SPRY3: variants seen among roughly 807,000 people sequenced by gnomAD.
SPRY3 encodes sprouty RTK signaling antagonist 3, also known as protein sprouty homolog 3.
Under a neutral mutation model 20.2 loss-of-function variants are expected in SPRY3, and 15 were observed. The ratio of observed to expected loss-of-function variants is 0.74; its 90% confidence interval spans 0.50 to 1.14. The LOEUF is 1.14. Ranked by LOEUF, SPRY3 falls within the 50% of genes most tolerant of loss-of-function variation. The pLI is 0.00. For synonymous variants in SPRY3, 143 were observed against 136.5 expected, an observed-to-expected ratio of 1.05 and a Z score of -0.33; for missense variants, 364 against 363.9, an observed-to-expected ratio of 1.00 and a Z score of 0.00.
In SPRY3 at chrX:155,749,575, G is replaced by T. The variant is rs181314102; in HGVS notation, c.-281-18387G>T. On this transcript the variant is annotated intron_variant, in intron 2 of 3. Coordinates refer to ENST00000675360, the Ensembl canonical transcript of SPRY3. ...AAAAATTTGAGGTGGAAGTATCTGGGGGTTTTGACTAATAGCAAGGACACC... is the reference window on the plus strand; with the variant it reads ...AAAAATTTGAGGTGGAAGTATCTGGTGGTTTTGACTAATAGCAAGGACACC... Among the ~76,000 whole-genome samples, 256 of 151,940 alleles carry T rather than the reference G, an allele frequency of 1.7e-3. 1 individual carries two copies. The highest frequency in any genetic ancestry group is 6.1e-3 in the African/African-American group (252 of 41,490).
At chrX:155,662,945 T>A (rs782352645) in intron 2 of SPRY3, among the ~76,000 whole-genome samples, 30 of 111,854 alleles carry the variant, frequency 2.7e-4, no homozygotes, top group Non-Finnish European at 5.1e-4. Flanking sequence ...ACTACTGCAC[T>A]TCTTTTGCCA....
intron 2 of SPRY3, among the ~76,000 whole-genome samples, chrX:155,712,027 T>A: frequency 6.6e-6 from 1 of 151,990 alleles, no homozygotes; most frequent in Middle Eastern, 3.4e-3. Context: ...TTTCTCTTGT[T>A]ATTTATTTAT....
intron 2 of SPRY3, among the ~76,000 whole-genome samples, chrX:155,740,156 T>C (rs2091196349): frequency 6.6e-6 from 1 of 152,228 alleles, no homozygotes; most frequent in South Asian, 2.1e-4. Flanking sequence ...CCTGTCTTGC[T>C]TTAATCTCTT....
At chrX:155,767,123 G>C (rs1363891897) in intron 2 of SPRY3, among the ~76,000 whole-genome samples, 2 of 152,040 alleles carry the variant, frequency 1.3e-5, no homozygotes, top group Non-Finnish European at 2.9e-5. Context: ...CGGATACAGA[G>C]ATTCCTATGG....
At chrX:155,773,041 G>T (rs1350138692) in intron 3 of SPRY3, among the ~76,000 whole-genome samples, 2 of 151,808 alleles carry the variant, frequency 1.3e-5, no homozygotes, top group Non-Finnish European at 2.9e-5. Flanking sequence ...CATTTAAAAA[G>T]AATCACTTCC....
At chrX:155,749,746 G>A (rs944254404) in intron 2 of SPRY3, among the ~76,000 whole-genome samples, 1 of 151,798 alleles carries the variant, frequency 6.6e-6, no homozygotes, top group Non-Finnish European at 1.5e-5. Flanking sequence ...AATAACTAAG[G>A]TACTGTTTAT....
chrX:155,672,085 C>T (rs2068042514), intron 2 of SPRY3, among the ~76,000 whole-genome samples: 1 of 111,586 alleles, frequency 9.0e-6, no homozygotes, highest in South Asian at 3.7e-4. Flanking sequence ...TAGCATGATG[C>T]CTCCAGCTTT....
intron 2 of SPRY3, among the ~76,000 whole-genome samples, chrX:155,760,859 G>A (rs1453444860): frequency 2.6e-5 from 4 of 152,022 alleles, no homozygotes; most frequent in East Asian, 1.9e-4. Flanking sequence ...ACAGGCCGCC[G>A]ACCCCTACCG....
intron 2 of SPRY3, among the ~76,000 whole-genome samples, chrX:155,685,470 C>G (rs1365795465): frequency 9.3e-6 from 1 of 107,143 alleles, no homozygotes; most frequent in Non-Finnish European, 1.9e-5. Context: ...CATAGGTAAA[C>G]TTGTGTCATA....
intron 3 of SPRY3, among the ~76,000 whole-genome samples, chrX:155,773,517 A>C (rs1333723356): frequency 6.6e-6 from 1 of 151,986 alleles, no homozygotes; most frequent in African/African-American, 2.4e-5. Flanking sequence ...GAAACTAGGC[A>C]TTTGATGGAA....
chrX:155,694,248 T>A (rs778051980), intron 2 of SPRY3, among the ~76,000 whole-genome samples: 1 of 112,567 alleles, frequency 8.9e-6, no homozygotes, highest in African/African-American at 3.2e-5. Context: ...CTTTTTATTA[T>A]TCAGTTTTCT....
intron 2 of SPRY3, among the ~76,000 whole-genome samples, chrX:155,673,766 G>C (rs2068051324): frequency 8.9e-6 from 1 of 111,961 alleles, no homozygotes; most frequent in Non-Finnish European, 1.9e-5. Flanking sequence ...CTGCATATAG[G>C]CACTGATTCA....
intron 2 of SPRY3, among the ~76,000 whole-genome samples, chrX:155,718,312 AAG>A (rs2091035224): frequency 1.3e-5 from 2 of 152,182 alleles, no homozygotes; most frequent in Admixed American, 6.5e-5. Flanking sequence ...TTGACAAAAA[AAG>A]ATTGTGTTCA....
intron 3 of SPRY3, among the ~76,000 whole-genome samples, chrX:155,772,717 C>G (rs374977142): frequency 2.6e-5 from 4 of 152,104 alleles, no homozygotes; most frequent in African/African-American, 9.6e-5. Flanking sequence ...CAGGGAATGA[C>G]CAACCACCTC....
intron 1 of SPRY3, among the ~76,000 whole-genome samples, chrX:155,650,457 T>G (rs1034677369): frequency 1.8e-5 from 2 of 111,943 alleles, no homozygotes; most frequent in Non-Finnish European, 3.8e-5. Context: ...TTTTTAATTT[T>G]GAGCTCAATA....
At chrX:155,765,807 C>G (rs1251474621) in intron 2 of SPRY3, among the ~76,000 whole-genome samples, 4 of 152,182 alleles carry the variant, frequency 2.6e-5, no homozygotes, top group African/African-American at 9.7e-5. Context: ...CTTGCCTCTC[C>G]TATGGGTTAC....
intron 2 of SPRY3, among the ~76,000 whole-genome samples, chrX:155,687,113 T>C (rs1251657803): frequency 8.9e-6 from 1 of 112,903 alleles, no homozygotes; most frequent in African/African-American, 3.2e-5. Flanking sequence ...TCTGTCCACA[T>C]TTTGAAGTTC....
chrX:155,654,686 GGTGTGTGTGTGTGTGTGTGT>G (rs3067500), intron 1 of SPRY3, among the ~76,000 whole-genome samples: 186 of 85,954 alleles, frequency 2.2e-3, no homozygotes, highest in African/African-American at 6.9e-3. Context: ...AGTATTCCAT[GGTGTGTGTGTGTGTGTGTGT>G]GTGTGTGTGT....
chrX:155,735,974 T>C (rs923636706), intron 2 of SPRY3, among the ~76,000 whole-genome samples: 1 of 151,970 alleles, frequency 6.6e-6, no homozygotes, highest in Non-Finnish European at 1.5e-5. Context: ...ATATTGTTTG[T>C]TTCCTTTGAA....
Sources: gnomAD v4.1 joint callset for allele counts (sites outside exome capture counted in the v4.1 genomes callset) on GRCh38, gnomAD v4.1.1 for gene constraint, MANE v1.5 for transcripts, NCBI Gene and HGNC (gene_info 2026-07-23, HGNC 2026-07-21) for gene names.